CPNE8: variants seen among roughly 807,000 people sequenced by gnomAD.
The protein encoded by CPNE8 is copine-8.
CPNE8 carries 45 observed loss-of-function variants against 81.5 expected under a neutral mutation model. That is an observed-to-expected ratio of 0.55 (90% confidence interval 0.44 to 0.71). CPNE8 has a LOEUF of 0.71. Ranked by LOEUF, CPNE8 falls within the 30% of genes least tolerant of loss-of-function variation. The probability of loss-of-function intolerance (pLI) is 0.00; values close to 1 mark genes in which losing one functional copy is unlikely to be tolerated. For synonymous variants in CPNE8, 252 were observed against 226.3 expected, an observed-to-expected ratio of 1.11 and a Z score of -1.02; for missense variants, 594 against 672.1, an observed-to-expected ratio of 0.88 and a Z score of 1.28.
At chr12:38,729,384 T>TAG (rs1940779741) in intron 11 of CPNE8, among the ~76,000 whole-genome samples, 1 of 151,912 alleles carries the variant, frequency 6.6e-6, no homozygotes, top group Non-Finnish European at 1.5e-5. Context: ...AGTATACTAC[T>TAG]ATATAGAGCA....
At chr12:38,866,738 G>A (rs767464927) in intron 3 of CPNE8, among the ~76,000 whole-genome samples, 29 of 152,244 alleles carry the variant, frequency 1.9e-4, no homozygotes, top group Non-Finnish European at 3.8e-4. Flanking sequence ...GGCCTACATA[G>A]CAAATTATCT....
At position 38,905,425 on chromosome 12, in the gene CPNE8, C is replaced by T. The variant is rs973144998; in HGVS notation, c.98+12G>A. 1.9e-6 allele frequency: 3 copies of T among 1,554,104 alleles called. No individual in the cohort carries two copies. The highest frequency in any genetic ancestry group is 2.6e-6 in the Non-Finnish European group (3 of 1,149,638). ...GAGAGGGCAGGAGAGAGGGGAAGGG[C>T]TGCGTCCTCACCTGCAGGACACGGA... On this transcript the variant is annotated intron_variant, in intron 1 of 19. Transcript: ENST00000331366.
At position 38,685,519 on chromosome 12, in the gene CPNE8, G is replaced by A. The variant is rs1267705257; in HGVS notation, c.1242C>T (p.Asn414=). Residue 414 remains asparagine, a synonymous_variant, in exon 16 of 20, where the codon AAC becomes AAT. Coordinates refer to ENST00000331366, the MANE Select transcript of CPNE8 (RefSeq NM_153634.3). ...LKSVQLYGPT[N]FAPVINHVAR... ...CTACATGATTAATTACAGGAGCAAA[G>A]TTGGTGGGCCCATATAGTTGTACAG... 1.2e-6 allele frequency: 2 copies of A among 1,613,318 alleles called. No homozygotes were observed. Among genetic ancestry groups the A allele is most frequent in the East Asian group, 2.2e-5 (1 of 44,820 alleles).
At chr12:38,889,224 C>A (rs141629048) in intron 1 of CPNE8, among the ~76,000 whole-genome samples, 1 of 151,482 alleles carries the variant, frequency 6.6e-6, no homozygotes, top group Admixed American at 6.6e-5. Flanking sequence ...GATTTATAAA[C>A]AAATATGTGC....
chr12:38,870,971 G>T (rs894824525), intron 3 of CPNE8, among the ~76,000 whole-genome samples: 2 of 151,876 alleles, frequency 1.3e-5, no homozygotes, highest in Admixed American at 1.3e-4. Flanking sequence ...ACCTCTTAAA[G>T]TTGCTGTGAA....
chr12:38,905,585 G>A lies in CPNE8; in HGVS notation c.-51C>T. 6.5e-7 allele frequency: 1 copy of A among 1,540,266 alleles called. No homozygotes were observed. The highest frequency in any genetic ancestry group is 8.7e-7 in the Non-Finnish European group (1 of 1,144,898). ...TCCGGCGCCCACAACCACAGCTCGG[G>A]CGGACTGAGGGCTAGCTCCCGTCAG... is the stretch of plus-strand genomic sequence containing the variant. On this transcript the variant is annotated 5_prime_UTR_variant, in exon 1 of 20. Coordinates refer to ENST00000331366, the MANE Select transcript of CPNE8 (RefSeq NM_153634.3).
chr12:38,854,821 G>C (rs1386399645), intron 3 of CPNE8, among the ~76,000 whole-genome samples: 3 of 152,006 alleles, frequency 2.0e-5, no homozygotes, highest in African/African-American at 4.8e-5. Context: ...CATACTGAAA[G>C]CTTTTCTTCC....
chr12:38,855,650 T>C (rs1041068474), intron 3 of CPNE8, among the ~76,000 whole-genome samples: 1 of 152,122 alleles, frequency 6.6e-6, no homozygotes, highest in Admixed American at 6.6e-5. Context: ...GTTTTAATGA[T>C]CTACTGTAGA....
intron 10 of CPNE8, among the ~76,000 whole-genome samples, chr12:38,744,220 T>A (rs1334224797): frequency 6.6e-6 from 1 of 152,170 alleles, no homozygotes; most frequent in Non-Finnish European, 1.5e-5. Context: ...AAACCTTACA[T>A]AAGAAAGCAC....
intron 8 of CPNE8, among the ~76,000 whole-genome samples, chr12:38,766,112 C>A (rs1941682716): frequency 6.6e-6 from 1 of 152,138 alleles, no homozygotes; most frequent in Admixed American, 6.5e-5. Context: ...CCTGCCTCGG[C>A]CTCCTACAGT....
chr12:38,905,716 A>C, upstream of CPNE8: 1 of 1,434,898 alleles, frequency 7.0e-7, no homozygotes, highest in Non-Finnish European at 9.1e-7. Flanking sequence ...CCACGAGGGA[A>C]CCGCTAGCCA....
chr12:38,799,676 G>A (rs1237576414), intron 6 of CPNE8, among the ~76,000 whole-genome samples: 23 of 151,976 alleles, frequency 1.5e-4, no homozygotes, highest in Admixed American at 3.3e-4. Flanking sequence ...AATAGGAACA[G>A]CTCCGGTCTA....
At chr12:38,844,671 GC>G (rs1378908223) in intron 4 of CPNE8, among the ~76,000 whole-genome samples, 1 of 152,102 alleles carries the variant, frequency 6.6e-6, no homozygotes, top group African/African-American at 2.4e-5. Context: ...GTCAGTGGTA[GC>G]AGAAATAAGT....
In CPNE8 at chr12:38,760,263, G is replaced by A. The variant is rs1028517150; in HGVS notation, c.722+584C>T. Among the ~76,000 whole-genome samples, 3 of 151,690 alleles carry A rather than the reference G, an allele frequency of 2.0e-5. No individual in the cohort carries two copies. In the South Asian group the frequency reaches 6.2e-4, roughly 32 times the overall value. ...TACAAACATCTCATCATCATCCTAC[G>A]AAGATGACAGTAGAAACAAAATATG... On this transcript the variant is annotated intron_variant, in intron 10 of 19. Transcript: ENST00000331366.
At chr12:38,809,785 G>T (rs1359635642) in intron 6 of CPNE8, among the ~76,000 whole-genome samples, 1 of 152,124 alleles carries the variant, frequency 6.6e-6, no homozygotes, top group African/African-American at 2.4e-5. Context: ...TATGGTTGGG[G>T]CTCTGTATAT....
At chr12:38,869,295 G>A (rs1376245118) in intron 3 of CPNE8, among the ~76,000 whole-genome samples, 2 of 152,108 alleles carry the variant, frequency 1.3e-5, no homozygotes, top group East Asian at 3.8e-4. Context: ...TTTACAAGTT[G>A]TTTAATGTCT....
chr12:38,895,703 G>A (rs903006606), intron 1 of CPNE8, among the ~76,000 whole-genome samples: 8 of 152,060 alleles, frequency 5.3e-5, no homozygotes, highest in African/African-American at 1.9e-4. Context: ...CTTTGTGGTA[G>A]AGTAGTGTTG....
chr12:38,753,235 T>C (rs1941388981), intron 10 of CPNE8, among the ~76,000 whole-genome samples: 1 of 152,082 alleles, frequency 6.6e-6, no homozygotes, highest in Non-Finnish European at 1.5e-5. Context: ...GTGGATCACT[T>C]GAGCTCAGGA....
At chr12:38,674,686 G>T (rs1375159843) in intron 18 of CPNE8, among the ~76,000 whole-genome samples, 1 of 152,176 alleles carries the variant, frequency 6.6e-6, no homozygotes, top group African/African-American at 2.4e-5. Flanking sequence ...TAGAAAGGAT[G>T]ACCAGCCAAG....
Sources: gnomAD v4.1 joint callset for allele counts (sites outside exome capture counted in the v4.1 genomes callset) on GRCh38, gnomAD v4.1.1 for gene constraint, MANE v1.5 for transcripts, NCBI Gene and HGNC (gene_info 2026-07-23, HGNC 2026-07-21) for gene names.